Variants in PDE4D observed in about 807,000 individuals in gnomAD.
PDE4D encodes the protein 3',5'-cyclic-AMP phosphodiesterase 4D.
Under a neutral mutation model 87.4 loss-of-function variants are expected in PDE4D, and 24 were observed. The ratio of observed to expected loss-of-function variants is 0.27; its 90% CI spans 0.20 to 0.39. The LOEUF (loss-of-function observed/expected upper bound fraction) is 0.39, where lower values mean the gene tolerates loss of function less well. Among genes scored for constraint, PDE4D ranks in the 10% least tolerant of loss-of-function variants. PDE4D has a pLI of 1.00. For missense variants in PDE4D, 714 were observed against 1,041.0 expected (o/e 0.69, Z 4.32); for synonymous variants, 384 against 383.2 (o/e 1.00, Z -0.02).
chr5:60,123,695 G>T (rs1224114942), intron 2 of PDE4D, among the ~76,000 whole-genome samples: 1 of 152,076 alleles, frequency 6.6e-6, no homozygotes, highest in Admixed American at 6.6e-5. Flanking sequence ...GGGAAAGAAG[G>T]AACAGATGTT....
chr5:59,461,237 T>G (rs1421773088), intron 1 of PDE4D, among the ~76,000 whole-genome samples: 2 of 152,098 alleles, frequency 1.3e-5, no homozygotes, highest in Non-Finnish European at 2.9e-5. Context: ...GTAAAAAAGA[T>G]TATATATATT....
rs149826138 is a variant in PDE4D at position 59,785,003 on chromosome 5, A to G, written c.455+108165T>C. The stretch of plus-strand genomic sequence containing the variant: ...GGCCTCCCCAGTCACGTGGAACTGT[A>G]AGTCCCTTAAACCTGTTTTTCTTTA... On this transcript the variant is annotated intron_variant, in intron 1 of 14. Coordinates refer to ENST00000340635, the MANE Select transcript of PDE4D (RefSeq NM_001104631.2). 5.4e-3 allele frequency among the ~76,000 whole-genome samples: 821 copies of G among 152,244 alleles called. 10 individuals carry two copies. The highest frequency in any genetic ancestry group is 0.018 in the African/African-American group (757 of 41,538).
In PDE4D at chr5:60,098,357, T is replaced by A. The variant is rs2662444; in HGVS notation, c.42+87200A>T. 6.8e-4 allele frequency among the ~76,000 whole-genome samples: 103 copies of A among 151,810 alleles called. 1 individual carries two copies. In the South Asian group the frequency reaches 0.02, roughly 30 times the overall value. ...TTGGAATTTTGATAGGGGTTGAATC[T>A]GTATATTACATGGACAGTAAAGGCA... On this transcript the variant is annotated intron_variant, in intron 2 of 16. Transcript: ENST00000502484.
intron 2 of PDE4D, among the ~76,000 whole-genome samples, chr5:60,135,566 G>T (rs748587629): frequency 1.5e-4 from 23 of 152,172 alleles, no homozygotes; most frequent in Non-Finnish European, 2.9e-5. Flanking sequence ...GGTAAAAAAA[G>T]AAGGTAGCTG....
intron 1 of PDE4D, among the ~76,000 whole-genome samples, chr5:60,309,171 T>A (rs974350600): frequency 5.3e-5 from 8 of 152,054 alleles, no homozygotes; most frequent in Non-Finnish European, 1.0e-4. Flanking sequence ...TCAATAAATG[T>A]CATTTATGTG....
chr5:59,732,707 G>C (rs1170242971), intron 1 of PDE4D, among the ~76,000 whole-genome samples: 2 of 151,948 alleles, frequency 1.3e-5, no homozygotes, highest in African/African-American at 4.8e-5. Context: ...GCAAAATCTT[G>C]CCTTCTGAAA....
At chr5:59,474,498 A>T (rs1196385061) in intron 1 of PDE4D, among the ~76,000 whole-genome samples, 2 of 152,082 alleles carry the variant, frequency 1.3e-5, no homozygotes, top group African/African-American at 4.8e-5. Flanking sequence ...TACTTTGACC[A>T]ATTATTTTAA....
At chr5:59,295,838 G>GAAAAAA (rs762948605) in intron 1 of PDE4D, among the ~76,000 whole-genome samples, 2 of 122,438 alleles carry the variant, frequency 1.6e-5, no homozygotes, top group Non-Finnish European at 1.8e-5. Flanking sequence ...CTAAGTGTAA[G>GAAAAAA]AAAAAAAAAA....
chr5:59,910,543 T>C (rs1753331588), intron 3 of PDE4D, among the ~76,000 whole-genome samples: 1 of 152,172 alleles, frequency 6.6e-6, no homozygotes, highest in South Asian at 2.1e-4. Flanking sequence ...GCTACTCTGG[T>C]CTAAATGTTG....
chr5:60,503,383 G>A (rs1468836639), intron 1 of PDE4D, among the ~76,000 whole-genome samples: 1 of 152,110 alleles, frequency 6.6e-6, no homozygotes, highest in African/African-American at 2.4e-5. Flanking sequence ...GTGCTGTTTA[G>A]CCAACAACTG....
chr5:59,427,828 A>AAAG (rs1171004492), intron 1 of PDE4D, among the ~76,000 whole-genome samples: 1 of 152,140 alleles, frequency 6.6e-6, no homozygotes, highest in African/African-American at 2.4e-5. Flanking sequence ...AAAAAAAAAA[A>AAAG]AAAAAAAGAA....
At chr5:59,134,643 G>T (rs1413914338) in intron 5 of PDE4D, among the ~76,000 whole-genome samples, 3 of 152,112 alleles carry the variant, frequency 2.0e-5, no homozygotes, top group Non-Finnish European at 4.4e-5. Context: ...ATTAAACATG[G>T]ATTCTAACAT....
chr5:59,258,396 T>C (rs907423340), intron 1 of PDE4D, among the ~76,000 whole-genome samples: 22 of 151,996 alleles, frequency 1.4e-4, no homozygotes, highest in Non-Finnish European at 8.8e-5. Flanking sequence ...TTTTGCTTGG[T>C]AAGCTCCAGG....
rs1015691668 is a variant in PDE4D, at chr5:58,972,882, T to TAA, written c.*1780_*1781dup. On this transcript the variant is annotated 3_prime_UTR_variant, in exon 15 of 15. Transcript: ENST00000340635. ...TATTTAACCAGAATTTTTACCAATATAATAAATATTTTAGGATGCATCACA... is the reference window on the plus strand; with the variant it reads ...TATTTAACCAGAATTTTTACCAATATAAAATAAATATTTTAGGATGCATCACA... 1.5e-4 allele frequency: 23 copies of TAA among 151,956 alleles called. No homozygotes were observed. Among genetic ancestry groups the TAA allele is most frequent in the African/African-American group, 5.3e-4 (22 of 41,378 alleles). The allele number at this position is 151,956 out of a possible 1,614,324, so 9.4% of individuals were successfully genotyped here.
intron 1 of PDE4D, among the ~76,000 whole-genome samples, chr5:59,607,392 C>T (rs1307504897): frequency 6.6e-6 from 1 of 152,062 alleles, no homozygotes; most frequent in Non-Finnish European, 1.5e-5. Context: ...AACATCTGAT[C>T]ATTTAGATCA....
intron 5 of PDE4D, among the ~76,000 whole-genome samples, chr5:59,080,081 C>G (rs988213836): frequency 1.8e-4 from 27 of 152,110 alleles, no homozygotes; most frequent in African/African-American, 6.3e-4. Flanking sequence ...GTTCCCAATC[C>G]CAGTCTGTGG....
At chr5:60,363,477 A>G (rs78945988) in intron 1 of PDE4D, among the ~76,000 whole-genome samples, 5,056 of 152,324 alleles carry the variant, frequency 0.033, 128 homozygotes, top group Middle Eastern at 0.078. Context: ...TCTAACAAAT[A>G]CTTTTGAGCA....
chr5:60,126,976 T>C (rs1188284241), intron 2 of PDE4D, among the ~76,000 whole-genome samples: 1 of 152,202 alleles, frequency 6.6e-6, no homozygotes, highest in African/African-American at 2.4e-5. Flanking sequence ...TATGTATACT[T>C]CTGCAGCATA....
intron 1 of PDE4D, among the ~76,000 whole-genome samples, chr5:59,552,201 A>G (rs1583087152): frequency 6.6e-6 from 1 of 152,198 alleles, no homozygotes; most frequent in East Asian, 1.9e-4. Flanking sequence ...CCTGGACAAC[A>G]GTAAGAAAGT....
Sources: gnomAD v4.1 joint callset for allele counts (sites outside exome capture counted in the v4.1 genomes callset) on GRCh38, gnomAD v4.1.1 for gene constraint, MANE v1.5 for transcripts, NCBI Gene and HGNC (gene_info 2026-07-23, HGNC 2026-07-21) for gene names.